Variants in CACNA1E observed in about 807,000 individuals in gnomAD.
CACNA1E encodes the protein voltage-dependent R-type calcium channel subunit alpha-1E.
Under a neutral mutation model 259.2 loss-of-function variants are expected in CACNA1E, and 40 were observed. The ratio of observed to expected loss-of-function variants is 0.15; its 90% confidence interval spans 0.12 to 0.20. The LOEUF (loss-of-function observed/expected upper bound fraction) is 0.20, where lower values mean the gene tolerates loss of function less well. CACNA1E is among the 10% of genes least tolerant of loss of function. The pLI, the probability that CACNA1E is intolerant of heterozygous loss-of-function variation, is 1.00. For missense variants in CACNA1E, 1,874 were observed against 3,040.1 expected (o/e 0.62, Z 9.02); for synonymous variants, 1,104 against 1,138.5 (o/e 0.97, Z 0.61).
At chr1:181,760,724 G>A (rs1041167486) in intron 32 of CACNA1E, among the ~76,000 whole-genome samples, 4 of 152,108 alleles carry the variant, frequency 2.6e-5, no homozygotes, top group Non-Finnish European at 2.9e-5. Flanking sequence ...GAATACTTTG[G>A]CCAAGATTAG....
intron 7 of CACNA1E, among the ~76,000 whole-genome samples, chr1:181,694,850 A>C (rs1355878719): frequency 6.6e-6 from 1 of 152,162 alleles, no homozygotes; most frequent in African/African-American, 2.4e-5. Flanking sequence ...CTTGTCTTTA[A>C]TGTTGTTATG....
upstream of CACNA1E, among the ~76,000 whole-genome samples, chr1:181,478,644 T>G (rs185632211): frequency 0.14 from 21,427 of 151,612 alleles, 1,811 homozygotes; most frequent in Non-Finnish European, 0.2. Context: ...ACTGGCAGGG[T>G]GGGGGAAGAT....
At chr1:181,355,012 C>G (rs775453850) in intron 1 of CACNA1E, among the ~76,000 whole-genome samples, 4 of 152,182 alleles carry the variant, frequency 2.6e-5, no homozygotes, top group Admixed American at 6.5e-5. Flanking sequence ...GGTGCCTGCC[C>G]CACAAGGAAA....
chr1:181,360,802 A>G (rs1653807099), intron 1 of CACNA1E, among the ~76,000 whole-genome samples: 1 of 152,174 alleles, frequency 6.6e-6, no homozygotes, highest in Admixed American at 6.5e-5. Context: ...CACCCTTTAC[A>G]AAATATTTCT....
intron 1 of CACNA1E, among the ~76,000 whole-genome samples, chr1:181,408,565 G>A (rs1463014383): frequency 6.6e-6 from 1 of 152,130 alleles, no homozygotes; most frequent in East Asian, 1.9e-4. Flanking sequence ...GCAGTGCAGG[G>A]TGCTTGTGTG....
At chr1:181,697,761 T>C in intron 7 of CACNA1E, among the ~76,000 whole-genome samples, 1 of 152,250 alleles carries the variant, frequency 6.6e-6, no homozygotes, top group East Asian at 1.9e-4. Context: ...TTACTAGTGC[T>C]TTTAATTTCT....
chr1:181,395,641 C>T (rs911260249), intron 1 of CACNA1E, among the ~76,000 whole-genome samples: 1 of 152,124 alleles, frequency 6.6e-6, no homozygotes, highest in African/African-American at 2.4e-5. Flanking sequence ...GTACCAAGAA[C>T]CTCCTCCTGG....
intron 6 of CACNA1E, among the ~76,000 whole-genome samples, chr1:181,642,425 G>A (rs1657874961): frequency 6.6e-6 from 1 of 152,108 alleles, no homozygotes; most frequent in African/African-American, 2.4e-5. Flanking sequence ...GAGAGGGACT[G>A]GTTGAAGAGC....
At chr1:181,720,908 A>G (rs1654359674) in intron 15 of CACNA1E, 53 bp downstream of exon 15, 1 of 1,081,922 alleles carries the variant, frequency 9.2e-7, no homozygotes, top group Non-Finnish European at 1.4e-6. Context: ...CTTGGACTGC[A>G]CACTGCAAGA....
chr1:181,758,073 G>A lies in CACNA1E; in HGVS notation c.4456G>A (p.Ala1486Thr). ...VSPSFEYTIM[A>T]MIALNTVVLM... ...TCCGTCCTTTGAGTACACCATTATGGCCATGATCGCCTTGAATACTGTTGT... is the reference window on the plus strand; with the variant it reads ...TCCGTCCTTTGAGTACACCATTATGACCATGATCGCCTTGAATACTGTTGT... Residue 1486 changes from alanine (A) to threonine (T), a missense_variant, in exon 31 of 48, where the codon GCC becomes ACC. By Grantham distance (58) the Ala-to-Thr change is moderately conservative (BLOSUM62 0). Transcript: ENST00000367573. This position sits in a 1 kb window ranked among gnomAD's most constrained non-coding sequence, Gnocchi z 4.2. 2.5e-6 allele frequency: 4 copies of A among 1,613,902 alleles called. No individual in the cohort carries two copies. The highest frequency in any genetic ancestry group is 3.4e-6 in the Non-Finnish European group (4 of 1,179,884).
intron 1 of CACNA1E, among the ~76,000 whole-genome samples, chr1:181,320,562 A>T (rs915878869): frequency 1.3e-5 from 2 of 152,254 alleles, no homozygotes; most frequent in Non-Finnish European, 2.9e-5. Context: ...ATAGATGAGG[A>T]AACTGATGCT....
intron 40 of CACNA1E, among the ~76,000 whole-genome samples, chr1:181,784,203 AG>A (rs1236245947): frequency 6.6e-6 from 1 of 152,220 alleles, no homozygotes. Context: ...AGGAGAGAAC[AG>A]GCTTACTACT....
At chr1:181,676,010 A>C in intron 7 of CACNA1E, among the ~76,000 whole-genome samples, 1 of 118,874 alleles carries the variant, frequency 8.4e-6, no homozygotes, top group Non-Finnish European at 1.6e-5. Context: ...AATGAATTTC[A>C]CTGTAGCCCA....
At chr1:181,420,555 T>C (rs1013280116) in intron 2 of CACNA1E, among the ~76,000 whole-genome samples, 6 of 152,250 alleles carry the variant, frequency 3.9e-5, no homozygotes, top group South Asian at 2.1e-4. Context: ...TTATTATTTA[T>C]AATTTACAGG....
At position 181,634,733 on chromosome 1, in the gene CACNA1E, T is replaced by C. The variant is rs190392033; in HGVS notation, c.952-16605T>C. Among the ~76,000 whole-genome samples the C allele has an allele frequency of 7.8e-4, 118 of 152,242 alleles. 3 individuals are homozygous for C. The highest frequency in any genetic ancestry group is 4.3e-3 in the East Asian group (22 of 5,170). ...GACAGTGTTGTGAGCCTTCTGCCCCTCATTATCCACAGAGGCAGGAGCCTA... is the reference window on the plus strand; with the variant it reads ...GACAGTGTTGTGAGCCTTCTGCCCCCCATTATCCACAGAGGCAGGAGCCTA... On this transcript the variant is annotated intron_variant, in intron 6 of 47. Transcript: ENST00000367573.
At chr1:181,352,744 T>G (rs1049983386) in intron 1 of CACNA1E, among the ~76,000 whole-genome samples, 7 of 152,080 alleles carry the variant, frequency 4.6e-5, no homozygotes, top group Non-Finnish European at 1.0e-4. Flanking sequence ...GTGGTGGTTG[T>G]GATTGGAGGG....
At position 181,732,714 on chromosome 1, in the gene CACNA1E, G is replaced by T; in HGVS notation, c.2628G>T (p.Leu876=). ...ACAACCAGAGGACCCCTTTGTCCCT[G>T]GGCCAGCGGGAGCCACCATGGCTGG... ...ALDNQRTPLS[L]GQREPPWLAR... Residue 876 remains leucine (L), a synonymous_variant, in exon 20 of 48, where the codon CTG becomes CTT. Transcript: ENST00000367573. This position sits in a 1 kb window ranked among gnomAD's most constrained non-coding sequence, Gnocchi z 5.5. 6.5e-7 allele frequency: 1 copy of T among 1,542,526 alleles called. No homozygotes were observed. Among genetic ancestry groups the T allele is most frequent in the Non-Finnish European group, 8.7e-7 (1 of 1,145,678 alleles).
intron 26 of CACNA1E, 50 bp downstream of exon 26, chr1:181,750,537 G>A: frequency 1.3e-6 from 2 of 1,584,658 alleles, no homozygotes; most frequent in Non-Finnish European, 1.7e-6. Context: ...GAATGAGTTG[G>A]AGGAGCGAGA....
intron 1 of CACNA1E, among the ~76,000 whole-genome samples, chr1:181,488,930 T>C (rs1348715758): frequency 6.6e-6 from 1 of 152,176 alleles, no homozygotes; most frequent in Admixed American, 6.5e-5. Context: ...CTTTCCCCCT[T>C]CTTTATAGGA....
Sources: gnomAD v4.1 joint callset for allele counts (sites outside exome capture counted in the v4.1 genomes callset) on GRCh38, gnomAD v4.1.1 for gene constraint, Gnocchi (gnomAD v3.1) non-coding constraint, MANE v1.5 for transcripts, NCBI Gene and HGNC (gene_info 2026-07-23, HGNC 2026-07-21) for gene names.